Variants in ANKRD36B observed in about 807,000 individuals in gnomAD.
The protein encoded by ANKRD36B is ankyrin repeat domain 36B.
ANKRD36B carries 37 observed loss-of-function variants against 135.7 expected under a neutral mutation model. The observed-to-expected ratio is 0.27, with a 90% CI of 0.21 to 0.36. The LOEUF is 0.36. ANKRD36B is among the 10% of genes least tolerant of loss of function. The probability of loss-of-function intolerance (pLI) is 1.00; values close to 1 mark genes in which losing one functional copy is unlikely to be tolerated. For missense variants in ANKRD36B, 549 were observed against 1,037.1 expected (o/e 0.53, Z 6.46); for synonymous variants, 179 against 348.1 (o/e 0.51, Z 5.41).
chr2:97,588,178 T>C (rs2083159776), intron 1 of ANKRD36B, among the ~76,000 whole-genome samples: 1 of 152,126 alleles, frequency 6.6e-6, no homozygotes, highest in African/African-American at 2.4e-5. Context: ...AAATTTTTAA[T>C]CTACATTCCA....
At chr2:97,571,740 A>G (rs1359030330) in intron 6 of ANKRD36B, among the ~76,000 whole-genome samples, 1 of 152,164 alleles carries the variant, frequency 6.6e-6, no homozygotes, top group Admixed American at 6.5e-5. Flanking sequence ...ATTGGATATA[A>G]TACTTACTAT....
In ANKRD36B at chr2:97,551,456, A is replaced by G. The variant is rs2080058734; in HGVS notation, c.1298T>C (p.Leu433Ser). The change falls in exon 17 of 44, where the codon TTG (leucine) becomes TCG (serine). Residue 433 changes from leucine (L) to serine (S), a missense_variant. Transcript: ENST00000359901. ...GTVSSQKKPALKATSDEKDSF... is the reference protein window; with the variant it reads ...GTVSSQKKPASKATSDEKDSF... Reference sequence around the variant, plus strand: ...TATAAATGAGAGTTTCATTACCTTCAAGGCTGGTTTTTTCTGAGAAGACAC... The same window carrying G: ...TATAAATGAGAGTTTCATTACCTTCGAGGCTGGTTTTTTCTGAGAAGACAC... 1.2e-6 allele frequency: 2 copies of G among 1,607,108 alleles called. No individual in the cohort carries two copies. Among genetic ancestry groups the G allele is most frequent in the Admixed American group, 3.3e-5 (2 of 59,804 alleles).
At chr2:97,579,079 A>C (rs2082411930) in intron 4 of ANKRD36B, 36 bp from the exon 5 acceptor site, 1 of 1,552,358 alleles carries the variant, frequency 6.4e-7, no homozygotes, top group Non-Finnish European at 8.7e-7. Context: ...AACTTTAATG[A>C]CATTTTAAAA....
At chr2:97,553,425 CA>C in intron 14 of ANKRD36B, 54 bp from the exon 15 acceptor site, 1 of 1,565,082 alleles carries the variant, frequency 6.4e-7, no homozygotes, top group Non-Finnish European at 8.8e-7. Context: ...ATACATTTTC[CA>C]TACATTCATG....
At chr2:97,527,052 A>T (rs563296136) in intron 35 of ANKRD36B, among the ~76,000 whole-genome samples, 1 of 95,474 alleles carries the variant, frequency 1.0e-5, no homozygotes, top group South Asian at 2.4e-4. Context: ...AAATACAGAC[A>T]ACGCCACAAA....
Position 97,551,129 on chromosome 2 carries a change from C to T in ANKRD36B, c.1375+160G>A, listed in dbSNP as rs561175722. On this transcript the variant is annotated intron_variant, in intron 18 of 43. Transcript: ENST00000359901. ...CTTACAGCCAAGATCATATTCCAGA[C>T]CAGCAGTATCAGCATAACCCAAGAA... 2.0e-5 allele frequency among the ~76,000 whole-genome samples: 3 copies of T among 151,940 alleles called. No homozygotes were observed. The East Asian group carries it at 5.8e-4, about 30-fold the overall frequency.
chr2:97,543,516 T>C, intron 26 of ANKRD36B, among the ~76,000 whole-genome samples: 1 of 97,682 alleles, frequency 1.0e-5, no homozygotes, highest in African/African-American at 3.1e-5. Context: ...AAAGCAAAAT[T>C]ATGCTGTTCC....
At chr2:97,547,956 T>G (rs2079643507) in intron 20 of ANKRD36B, among the ~76,000 whole-genome samples, 1 of 151,800 alleles carries the variant, frequency 6.6e-6, no homozygotes, top group Admixed American at 6.6e-5. Context: ...GGGTATGATT[T>G]GTTATATGCC....
At position 97,589,805 on chromosome 2, in the gene ANKRD36B, A is replaced by G; in HGVS notation, c.-120T>C. On this transcript the variant is annotated 5_prime_UTR_variant, in exon 1 of 44. Coordinates refer to ENST00000359901, the MANE Select transcript of ANKRD36B (RefSeq NM_001393939.1). Reference sequence around the variant, plus strand: ...CGCCTCCGAAGAGCAACAACAGGCAAAGCAGTCTGTGCACGGACCTCCGCG... The same window carrying G: ...CGCCTCCGAAGAGCAACAACAGGCAGAGCAGTCTGTGCACGGACCTCCGCG... 1 of 1,509,580 alleles carries G rather than the reference A, an allele frequency of 6.6e-7. No individual in the cohort carries two copies. Among genetic ancestry groups the G allele is most frequent in the African/African-American group, 1.4e-5 (1 of 72,210 alleles). 93.5% of individuals were successfully genotyped at this position (1,509,580 alleles called of 1,614,324 possible). A position where few individuals can be genotyped will look rare whatever the true frequency, so the allele number is the denominator to read the frequency against.
intron 6 of ANKRD36B, among the ~76,000 whole-genome samples, chr2:97,572,746 A>T (rs114113305): frequency 0.064 from 9,704 of 151,894 alleles, 405 homozygotes; most frequent in Middle Eastern, 0.16. Context: ...AAATTAAAAA[A>T]AAAAACAGTA....
intron 43 of ANKRD36B, among the ~76,000 whole-genome samples, chr2:97,506,691 T>C (rs2077372060): frequency 1.1e-5 from 1 of 93,594 alleles, no homozygotes; most frequent in African/African-American, 2.6e-5. Flanking sequence ...ATCACTACCT[T>C]AACCTTGAGA....
chr2:97,553,478 T>A (rs868077282), intron 14 of ANKRD36B, 107 bp from the exon 15 acceptor site: 1 of 1,321,106 alleles, frequency 7.6e-7, no homozygotes, highest in Non-Finnish European at 1.1e-6. Flanking sequence ...TGTATTAGTG[T>A]AGGCTTTGAT....
In ANKRD36B at chr2:97,555,221, A is replaced by G; in HGVS notation, c.1098+5T>C. On this transcript the variant is annotated splice_donor_5th_base_variant and intron_variant, in intron 13 of 43. Coordinates refer to ENST00000359901, the MANE Select transcript of ANKRD36B (RefSeq NM_001393939.1). ...AATACAAAATATAAATGAGAATTTAATTACCTTTGAGGCTGGTTGTTTCTG... is the reference window on the plus strand; with the variant it reads ...AATACAAAATATAAATGAGAATTTAGTTACCTTTGAGGCTGGTTGTTTCTG... 6.2e-7 allele frequency: 1 copy of G among 1,611,382 alleles called. No homozygotes were observed. Among genetic ancestry groups the G allele is most frequent in the Non-Finnish European group, 8.5e-7 (1 of 1,178,370 alleles).
At chr2:97,564,534 C>T (rs2081292652) in intron 6 of ANKRD36B, among the ~76,000 whole-genome samples, 1 of 152,142 alleles carries the variant, frequency 6.6e-6, no homozygotes, top group African/African-American at 2.4e-5. Context: ...GTCTTTAATG[C>T]ACCTTGAGTT....
rs1422078813 is a variant in ANKRD36B, at chr2:97,513,046, G to T, written c.2805+134C>A. Reference sequence around the variant, plus strand: ...ATTATAAATAATTATAGCTATAAATGCCATGATTCATTTTTAAGATGAAAT... The same window carrying T: ...ATTATAAATAATTATAGCTATAAATTCCATGATTCATTTTTAAGATGAAAT... On this transcript the variant is annotated intron_variant, in intron 38 of 43. Coordinates refer to ENST00000359901, the MANE Select transcript of ANKRD36B (RefSeq NM_001393939.1). The T allele has an allele frequency of 9.4e-6, 10 of 1,066,760 alleles. 2 individuals are homozygous for T. In the East Asian group the frequency reaches 2.4e-4, roughly 25 times the overall value. 66.1% of individuals were successfully genotyped at this position (1,066,760 alleles called of 1,614,324 possible). A position where few individuals can be genotyped will look rare whatever the true frequency, so the allele number is the denominator to read the frequency against.
chr2:97,546,778 T>C (rs2079508111), intron 22 of ANKRD36B, among the ~76,000 whole-genome samples: 2 of 151,650 alleles, frequency 1.3e-5, no homozygotes, highest in African/African-American at 2.4e-5. Context: ...ATCCAAGAGG[T>C]AGCCCCTTGA....
intron 1 of ANKRD36B, among the ~76,000 whole-genome samples, chr2:97,586,078 A>C (rs2082962375): frequency 6.6e-6 from 1 of 152,222 alleles, no homozygotes; most frequent in Non-Finnish European, 1.5e-5. Flanking sequence ...GATGCCTTAC[A>C]TTAAGTGGGA....
intron 8 of ANKRD36B, 28 bp from the exon 9 acceptor site, chr2:97,559,022 C>T (rs1352812493): frequency 6.2e-7 from 1 of 1,602,506 alleles, no homozygotes; most frequent in Admixed American, 1.7e-5. Flanking sequence ...AACATAATCA[C>T]TCACATGTAC....
chr2:97,529,579 A>G lies in ANKRD36B; in HGVS notation c.2265+2732T>C, dbSNP rs573557279. Among the ~76,000 whole-genome samples the G allele has an allele frequency of 9.4e-5, 9 of 95,830 alleles. 1 individual carries two copies. In the South Asian group the frequency reaches 2.2e-3, roughly 23 times the overall value. 62.9% of individuals were successfully genotyped at this position (95,830 alleles called of 152,430 possible). On this transcript the variant is annotated intron_variant, in intron 35 of 43. Coordinates refer to ENST00000359901, the MANE Select transcript of ANKRD36B (RefSeq NM_001393939.1). The stretch of plus-strand genomic sequence containing the variant: ...GCCCATTAGGCAGGAGAAGGAAATA[A>G]AGGGTATTCAATTAGGAAAAGAGGA...
Sources: allele counts gnomAD v4.1 joint callset (sites outside exome capture counted in the v4.1 genomes callset), GRCh38; gene constraint gnomAD v4.1.1; transcripts MANE v1.5; gene names NCBI Gene and HGNC (gene_info 2026-07-23, HGNC 2026-07-21).